The following NTM variants were observed in gnomAD, a reference collection of about 807,000 sequenced individuals.
NTM encodes neurotrimin, also known as IgLON family member 2.
NTM carries 13 observed loss-of-function variants against 42.1 expected under a neutral mutation model. That is an observed-to-expected ratio of 0.31 (90% confidence interval 0.20 to 0.49). The LOEUF (loss-of-function observed/expected upper bound fraction) is 0.49. Among genes scored for constraint, NTM ranks in the 20% least tolerant of loss-of-function variants. The probability of loss-of-function intolerance (pLI) is 0.99; values close to 1 mark genes in which losing one functional copy is unlikely to be tolerated. For missense variants in NTM, 373 were observed against 452.8 expected, an observed-to-expected ratio of 0.82 and a Z score of 1.60; for synonymous variants, 187 against 179.2, an observed-to-expected ratio of 1.04 and a Z score of -0.35.
intron 1 of NTM, among the ~76,000 whole-genome samples, chr11:131,383,265 G>T (rs567796105): frequency 1.3e-5 from 2 of 152,268 alleles, no homozygotes; most frequent in Admixed American, 1.3e-4. Flanking sequence ...AGAATTATTT[G>T]TTCAGACCAT....
At chr11:131,421,355 A>C (rs1947499025) in intron 1 of NTM, among the ~76,000 whole-genome samples, 1 of 152,206 alleles carries the variant, frequency 6.6e-6, no homozygotes. Context: ...TCCCGCCTGC[A>C]CATGGCCCTT....
At chr11:131,521,922 T>G (rs1376420685) in intron 1 of NTM, among the ~76,000 whole-genome samples, 1 of 152,198 alleles carries the variant, frequency 6.6e-6, no homozygotes, top group Non-Finnish European at 1.5e-5. Flanking sequence ...TATGCCTGGA[T>G]TTTTCATAAA....
At chr11:131,423,468 G>A (rs944928011) in intron 1 of NTM, among the ~76,000 whole-genome samples, 1 of 152,192 alleles carries the variant, frequency 6.6e-6, no homozygotes, top group Non-Finnish European at 1.5e-5. Flanking sequence ...TAAGGCTGAT[G>A]TCGTTAAACT....
intron 1 of NTM, among the ~76,000 whole-genome samples, chr11:131,728,930 T>A (rs1301797779): frequency 2.0e-5 from 3 of 152,224 alleles, no homozygotes; most frequent in Admixed American, 6.5e-5. Flanking sequence ...AGGAGTTGTA[T>A]GTCAGGAAAC....
intron 1 of NTM, among the ~76,000 whole-genome samples, chr11:131,724,936 A>G (rs2078779757): frequency 6.6e-6 from 1 of 151,996 alleles, no homozygotes; most frequent in African/African-American, 2.4e-5. Context: ...TGTTGGAGTC[A>G]GGGGAGTGAG....
At chr11:131,868,810 A>T (rs541554628) in intron 1 of NTM, among the ~76,000 whole-genome samples, 1 of 152,142 alleles carries the variant, frequency 6.6e-6, no homozygotes, top group South Asian at 2.1e-4. Context: ...TCCTGCTCTG[A>T]TCTCTCCAGG....
chr11:131,894,368 G>A (rs1592641929), intron 1 of NTM, among the ~76,000 whole-genome samples: 1 of 152,332 alleles, frequency 6.6e-6, no homozygotes, highest in Non-Finnish European at 1.5e-5. Flanking sequence ...GATCCGCACT[G>A]TGGCCCTTCC....
intron 1 of NTM, among the ~76,000 whole-genome samples, chr11:131,485,045 T>A (rs933500719): frequency 3.3e-5 from 5 of 152,176 alleles, no homozygotes; most frequent in Non-Finnish European, 7.3e-5. Context: ...TTAAATAATA[T>A]CTTTAAAGCA....
At chr11:132,178,752 A>C (rs2077161596) in intron 3 of NTM, among the ~76,000 whole-genome samples, 1 of 152,218 alleles carries the variant, frequency 6.6e-6, no homozygotes, top group Non-Finnish European at 1.5e-5. Context: ...GATGAAGGTA[A>C]TTAAAAATGA....
At chr11:131,573,640 G>A (rs2057662217) in intron 1 of NTM, 1 of 152,116 alleles carries the variant, frequency 6.6e-6, no homozygotes, top group Non-Finnish European at 1.5e-5. Flanking sequence ...GGGAGAAGCT[G>A]GAAGAAAAAG....
At chr11:131,693,872 C>A (rs2075101982) in intron 1 of NTM, among the ~76,000 whole-genome samples, 1 of 152,198 alleles carries the variant, frequency 6.6e-6, no homozygotes, top group Admixed American at 6.5e-5. Context: ...CTTTTACAGC[C>A]TGGGTCTGCA....
intron 1 of NTM, among the ~76,000 whole-genome samples, chr11:131,804,434 C>T (rs1233088928): frequency 3.9e-5 from 6 of 152,222 alleles, no homozygotes; most frequent in South Asian, 2.1e-4. Context: ...AATCTTCACG[C>T]GCACCCAGCT....
At chr11:132,170,484 A>G (rs2075965003) in intron 3 of NTM, among the ~76,000 whole-genome samples, 2 of 152,212 alleles carry the variant, frequency 1.3e-5, no homozygotes, top group Admixed American at 6.5e-5. Context: ...CCTCTTGGTT[A>G]CTTCTTTATA....
Position 131,553,129 on chromosome 11 carries a change from G to A in NTM, c.82+182241G>A, listed in dbSNP as rs1487367944. 3.3e-5 allele frequency among the ~76,000 whole-genome samples: 5 copies of A among 152,216 alleles called. No homozygotes were observed. In the East Asian group the frequency reaches 9.7e-4, roughly 29 times the overall value. ...GGTTATAATAAAAGTGAGCACAGGA[G>A]TTATGCTTTGTAAGGAAGGGGAATG... On this transcript the variant is annotated intron_variant, in intron 1 of 8. Coordinates refer to ENST00000683400, the MANE Select transcript of NTM (RefSeq NM_001352005.2).
At chr11:131,471,735 T>A (rs1042604076) in intron 1 of NTM, among the ~76,000 whole-genome samples, 3 of 152,180 alleles carry the variant, frequency 2.0e-5, no homozygotes, top group Admixed American at 2.0e-4. Context: ...CTCCAGGGTC[T>A]CCAGCATAGC....
intron 3 of NTM, among the ~76,000 whole-genome samples, chr11:132,198,374 T>A (rs1026900744): frequency 2.2e-4 from 33 of 151,996 alleles, no homozygotes; most frequent in Non-Finnish European, 3.8e-4. Context: ...GTTTTAAAAA[T>A]TTTTTTGGAA....
At chr11:131,580,050 T>C (rs1056690749) in intron 1 of NTM, among the ~76,000 whole-genome samples, 1 of 152,160 alleles carries the variant, frequency 6.6e-6, no homozygotes, top group Non-Finnish European at 1.5e-5. Context: ...CCAGAGAGCC[T>C]GCAGGGAGGG....
At chr11:132,231,276 G>T (rs572345431) in intron 4 of NTM, among the ~76,000 whole-genome samples, 1 of 152,188 alleles carries the variant, frequency 6.6e-6, no homozygotes, top group Non-Finnish European at 1.5e-5. Flanking sequence ...CAGATGACCT[G>T]TTGGTACAAG....
In NTM at chr11:131,780,330, G is replaced by C. The variant is rs1416244329; in HGVS notation, c.83-131234G>C. Among the ~76,000 whole-genome samples the C allele has an allele frequency of 2.6e-5, 4 of 152,242 alleles. No individual in the cohort carries two copies. In the East Asian group the frequency reaches 7.8e-4, roughly 30 times the overall value. On this transcript the variant is annotated intron_variant, in intron 1 of 8. Coordinates refer to ENST00000683400, the MANE Select transcript of NTM (RefSeq NM_001352005.2). ...GAGGCAGATCATCCAGGGTGTGAAC[G>C]ATAGACGAGACGACCTCACTGAGGG...
Sources: allele counts gnomAD v4.1 joint callset (sites outside exome capture counted in the v4.1 genomes callset), GRCh38; gene constraint gnomAD v4.1.1; transcripts MANE v1.5; gene names NCBI Gene and HGNC (gene_info 2026-07-23, HGNC 2026-07-21).